TTC7B: variants seen among roughly 807,000 people sequenced by gnomAD.
TTC7B encodes the protein tetratricopeptide repeat protein 7B.
In TTC7B, 28 loss-of-function variants were observed where a neutral mutation model predicts 106.8. That is an observed-to-expected ratio of 0.26 (90% CI 0.19 to 0.36). The LOEUF is 0.36. TTC7B is among the 10% of genes least tolerant of loss of function. The probability of loss-of-function intolerance (pLI) is 1.00; values close to 1 mark genes in which losing one functional copy is unlikely to be tolerated. For synonymous variants in TTC7B, 405 were observed against 430.6 expected (o/e 0.94, Z 0.74); for missense variants, 862 against 1,076.4 (o/e 0.80, Z 2.79).
chr14:90,776,455 G>A (rs1338257648), intron 3 of TTC7B, among the ~76,000 whole-genome samples: 2 of 152,074 alleles, frequency 1.3e-5, no homozygotes, highest in Non-Finnish European at 2.9e-5. Context: ...GTGAGCATGC[G>A]TACAACTCCA....
chr14:90,645,890 G>C (rs746547320), intron 14 of TTC7B, among the ~76,000 whole-genome samples: 7 of 152,202 alleles, frequency 4.6e-5, no homozygotes, highest in Non-Finnish European at 7.3e-5. Flanking sequence ...CTACAGTCCA[G>C]TGAGAAAGAC....
At chr14:90,715,554 C>T (rs949024576) in intron 5 of TTC7B, among the ~76,000 whole-genome samples, 1 of 152,132 alleles carries the variant, frequency 6.6e-6, no homozygotes. Flanking sequence ...CTAAATCAGC[C>T]TAATAATCCT....
intron 15 of TTC7B, among the ~76,000 whole-genome samples, 160 bp downstream of exon 15, chr14:90,643,887 GT>G (rs1885305703): frequency 6.6e-6 from 1 of 152,102 alleles, no homozygotes; most frequent in African/African-American, 2.4e-5. Context: ...CCAGCCCTAA[GT>G]TTGTTTTTAA....
At chr14:90,682,412 C>T (rs576673488) in intron 7 of TTC7B, among the ~76,000 whole-genome samples, 191 of 152,208 alleles carry the variant, frequency 1.3e-3, no homozygotes, top group African/African-American at 4.5e-3. Context: ...CAGCAGGAGC[C>T]GGGGGAGAAA....
chr14:90,697,642 G>T (rs1401395962), intron 5 of TTC7B: 1 of 152,230 alleles, frequency 6.6e-6, no homozygotes, highest in Non-Finnish European at 1.5e-5. Context: ...GTTGGCCCAG[G>T]TGAAGAAGTC....
intron 18 of TTC7B, among the ~76,000 whole-genome samples, chr14:90,587,599 T>C (rs1301409346): frequency 6.6e-6 from 1 of 151,836 alleles, no homozygotes; most frequent in Non-Finnish European, 1.5e-5. Context: ...TTATGAGGGG[T>C]CGCAGGGGCC....
intron 2 of TTC7B, among the ~76,000 whole-genome samples, chr14:90,783,964 C>T (rs890574834): frequency 3.9e-5 from 6 of 151,988 alleles, no homozygotes; most frequent in Non-Finnish European, 7.4e-5. Context: ...ATTCAATGGG[C>T]TTACTACCAC....
At chr14:90,546,079 C>G (rs1566761933) in intron 19 of TTC7B, among the ~76,000 whole-genome samples, 1 of 152,212 alleles carries the variant, frequency 6.6e-6, no homozygotes, top group Non-Finnish European at 1.5e-5. Flanking sequence ...AGGCCTCTCC[C>G]CAGTGAGCCA....
Position 90,534,054 on chromosome 14 carries a change from T to G in TTC7B, c.*7314A>C, listed in dbSNP as rs1889352661. 1 of 152,232 alleles carries G rather than the reference T, an allele frequency of 6.6e-6. No individual in the cohort carries two copies. The allele number at this position is 152,232 out of a possible 1,614,324, so 9.4% of individuals were successfully genotyped here. On this transcript the variant is annotated 3_prime_UTR_variant, in exon 20 of 20. Coordinates refer to ENST00000328459, the MANE Select transcript of TTC7B (RefSeq NM_001010854.2). ...GTGACTGTCCTCATCTGATTCTGAG[T>G]CCAGGGAGGGACAGTGGCACAGTGA...
In TTC7B at chr14:90,528,504, G is replaced by T. The variant is rs191234173; in HGVS notation, c.*12864C>A. ...GTTTCCGACGGTGTGACCCGAGTGC[G>T]CTTCGTTACCCGTTTCTGATGGCAT... On this transcript the variant is annotated 3_prime_UTR_variant, in exon 20 of 20. Coordinates refer to ENST00000328459, the MANE Select transcript of TTC7B (RefSeq NM_001010854.2). 1 of 152,886 alleles carries T rather than the reference G, an allele frequency of 6.5e-6. No individual in the cohort carries two copies. Among genetic ancestry groups the T allele is most frequent in the African/African-American group, 2.4e-5 (1 of 41,442 alleles). The allele number at this position is 152,886 out of a possible 1,614,324, so 9.5% of individuals were successfully genotyped here. A position where few individuals can be genotyped will look rare whatever the true frequency, so the allele number is the denominator to read the frequency against.
rs540696038 is a variant in TTC7B at position 90,541,867 on chromosome 14, G to A, written c.2311-278C>T. The stretch of plus-strand genomic sequence containing the variant: ...ATCTGAAAACTTAAGAACCATGAAT[G>A]AACTAATTGGAAGTCCGCAGTCTGC... On this transcript the variant is annotated intron_variant, in intron 19 of 19. Transcript: ENST00000328459. 7.9e-5 allele frequency among the ~76,000 whole-genome samples: 12 copies of A among 152,350 alleles called. No homozygotes were observed. In the South Asian group the frequency reaches 2.5e-3, roughly 32 times the overall value.
In TTC7B at chr14:90,608,886, G is replaced by T. The variant is rs531831148; in HGVS notation, c.1966+1856C>A. 6.6e-6 allele frequency among the ~76,000 whole-genome samples: 1 copy of T among 152,218 alleles called. No homozygotes were observed. The highest frequency in any genetic ancestry group is 1.9e-4 in the East Asian group (1 of 5,200). On this transcript the variant is annotated intron_variant, in intron 17 of 19. Coordinates refer to ENST00000328459, the MANE Select transcript of TTC7B (RefSeq NM_001010854.2). This position sits in a 1 kb window ranked among gnomAD's most constrained non-coding sequence, Gnocchi z 5.1. ...TCCAGGCCAGCTGGAAGGAAAGGGGGTCTGAATTTAGTGTGGCTGTTCTCA... is the reference window on the plus strand; with the variant it reads ...TCCAGGCCAGCTGGAAGGAAAGGGGTTCTGAATTTAGTGTGGCTGTTCTCA...
intron 4 of TTC7B, among the ~76,000 whole-genome samples, chr14:90,733,077 C>T (rs1889385966): frequency 6.6e-6 from 1 of 152,184 alleles, no homozygotes. Flanking sequence ...GTGTCTAGTG[C>T]AGGATAAGCA....
intron 5 of TTC7B, among the ~76,000 whole-genome samples, chr14:90,724,250 A>T (rs1889004489): frequency 6.6e-6 from 1 of 152,158 alleles, no homozygotes; most frequent in Non-Finnish European, 1.5e-5. Context: ...CTATCCTGAA[A>T]TGGCTTATTT....
At chr14:90,756,840 C>T (rs1235165010) in intron 3 of TTC7B, among the ~76,000 whole-genome samples, 1 of 81,856 alleles carries the variant, frequency 1.2e-5, no homozygotes, top group Non-Finnish European at 2.4e-5. Flanking sequence ...TCCCTGCTTG[C>T]TTCCAAAAAG....
intron 7 of TTC7B, among the ~76,000 whole-genome samples, chr14:90,683,893 A>G (rs570366653): frequency 6.6e-6 from 1 of 152,212 alleles, no homozygotes; most frequent in Non-Finnish European, 1.5e-5. Context: ...CTGACCCTTC[A>G]ACATCCCTCT....
In TTC7B at chr14:90,577,444, C is replaced by T. The variant is rs1279412865; in HGVS notation, c.2310+662G>A. 6.6e-6 allele frequency among the ~76,000 whole-genome samples: 1 copy of T among 152,216 alleles called. No homozygotes were observed. Among genetic ancestry groups the T allele is most frequent in the Non-Finnish European group, 1.5e-5 (1 of 68,032 alleles). On this transcript the variant is annotated intron_variant, in intron 19 of 19. Coordinates refer to ENST00000328459, the MANE Select transcript of TTC7B (RefSeq NM_001010854.2). This position sits in a 1 kb window ranked among gnomAD's most constrained non-coding sequence, Gnocchi z 5.0. ...GCTCCAGGGTCTCTCAAGAATGATC[C>T]ATGGCAAGGGGTGGGAGCAGCAGGG...
At chr14:90,703,581 A>G (rs190925224) in intron 5 of TTC7B, among the ~76,000 whole-genome samples, 3 of 152,314 alleles carry the variant, frequency 2.0e-5, no homozygotes, top group Admixed American at 2.0e-4. Context: ...ATCATTTGAA[A>G]GAAAGGGAAA....
In TTC7B at chr14:90,577,103, G is replaced by A. The variant is rs1891289002; in HGVS notation, c.2310+1003C>T. Among the ~76,000 whole-genome samples the A allele has an allele frequency of 6.6e-6, 1 of 152,134 alleles. No homozygotes were observed. Among genetic ancestry groups the A allele is most frequent in the Non-Finnish European group, 1.5e-5 (1 of 68,024 alleles). ...CTGGTTATGGGTGCTAAGCCTCCAC[G>A]GGTGCGGACACGAAGGGCCCTGAGC... On this transcript the variant is annotated intron_variant, in intron 19 of 19. Transcript: ENST00000328459. This position sits in a 1 kb window ranked among gnomAD's most constrained non-coding sequence, Gnocchi z 5.0.
Sources: gnomAD v4.1 joint callset for allele counts (sites outside exome capture counted in the v4.1 genomes callset) on GRCh38, gnomAD v4.1.1 for gene constraint, Gnocchi (gnomAD v3.1) non-coding constraint, MANE v1.5 for transcripts, NCBI Gene and HGNC (gene_info 2026-07-23, HGNC 2026-07-21) for gene names.